STRBP: variants seen among roughly 807,000 people sequenced by gnomAD.
STRBP encodes spermatid perinuclear RNA binding protein, also known as spermatid perinuclear RNA-binding protein.
In STRBP, 13 loss-of-function variants were observed where a neutral mutation model predicts 80.1. The observed-to-expected ratio is 0.16, with a 90% CI of 0.11 to 0.26. STRBP has a LOEUF of 0.26. STRBP is among the 10% of genes least tolerant of loss of function. The probability of loss-of-function intolerance (pLI) is 1.00; values close to 1 mark genes in which losing one functional copy is unlikely to be tolerated. For missense variants in STRBP, 485 were observed against 815.2 expected (o/e 0.59, Z 4.93); for synonymous variants, 284 against 291.2 (o/e 0.98, Z 0.25).
At chr9:123,215,656 G>A (rs1035481258) in intron 2 of STRBP, among the ~76,000 whole-genome samples, 2 of 152,140 alleles carry the variant, frequency 1.3e-5, no homozygotes, top group South Asian at 2.1e-4. Context: ...GTGGTGATGC[G>A]TGCCTATAAT....
At chr9:123,233,872 CT>C (rs2040466106) in intron 2 of STRBP, among the ~76,000 whole-genome samples, 1 of 152,172 alleles carries the variant, frequency 6.6e-6, no homozygotes, top group Non-Finnish European at 1.5e-5. Flanking sequence ...AGTTCACATG[CT>C]TCTTTTAAAG....
At chr9:123,234,615 T>C (rs1045884495) in intron 2 of STRBP, among the ~76,000 whole-genome samples, 2 of 152,160 alleles carry the variant, frequency 1.3e-5, no homozygotes, top group Non-Finnish European at 2.9e-5. Flanking sequence ...TTTTGTTTTG[T>C]TTTTTCAAAA....
At position 123,126,609 on chromosome 9, in the gene STRBP, C is replaced by T. The variant is rs2035904965; in HGVS notation, c.1943-936G>A. Among the ~76,000 whole-genome samples, 1 of 152,088 alleles carries T rather than the reference C, an allele frequency of 6.6e-6. No individual in the cohort carries two copies. Reference sequence around the variant, plus strand: ...GAGAGAAAAAAAGACCAAGGAAAAACATGAATGTAACTTAGAATCTAGATA... The same window carrying T: ...GAGAGAAAAAAAGACCAAGGAAAAATATGAATGTAACTTAGAATCTAGATA... On this transcript the variant is annotated intron_variant, in intron 18 of 18. Coordinates refer to ENST00000348403, the MANE Select transcript of STRBP (RefSeq NM_018387.5). The surrounding 1 kb of genome is among the most constrained non-coding windows in gnomAD (Gnocchi z 4.4).
chr9:123,139,407 T>G, intron 14 of STRBP, 122 bp downstream of exon 14: 1 of 789,264 alleles, frequency 1.3e-6, no homozygotes, highest in Middle Eastern at 3.8e-4. Flanking sequence ...ATTATGTCTG[T>G]CTCTGTAATT....
Position 123,200,762 on chromosome 9 carries a change from T to TTTTTTTTTA in STRBP, c.-164-16465_-164-16464insTAAAAAAAA, listed in dbSNP as rs1554762956. Among the ~76,000 whole-genome samples, 9 of 133,554 alleles carry TTTTTTTTTA rather than the reference T, an allele frequency of 6.7e-5. 1 individual carries two copies. The highest frequency in any genetic ancestry group is 2.3e-4 in the African/African-American group (8 of 34,236). The allele number at this position is 133,554 out of a possible 152,430, so 87.6% of individuals were successfully genotyped here. A position where few individuals can be genotyped will look rare whatever the true frequency, so the allele number is the denominator to read the frequency against. ...TTTTTTTTTTTTTTTTTTTTTTTTT[T>TTTTTTTTTA]AGTAGAGACCAGGTTTCACCATGTT... On this transcript the variant is annotated intron_variant, in intron 2 of 18. Coordinates refer to ENST00000348403, the MANE Select transcript of STRBP (RefSeq NM_018387.5).
At chr9:123,198,239 C>G (rs1444555423) in intron 2 of STRBP, among the ~76,000 whole-genome samples, 3 of 152,176 alleles carry the variant, frequency 2.0e-5, no homozygotes, top group African/African-American at 7.2e-5. Flanking sequence ...CTCCTGGGTT[C>G]AAGCAAATCT....
chr9:123,128,707 T>C (rs1363087947), intron 17 of STRBP, among the ~76,000 whole-genome samples: 1 of 152,224 alleles, frequency 6.6e-6, no homozygotes, highest in Non-Finnish European at 1.5e-5. Flanking sequence ...TACCAATCTC[T>C]CAAAGTTAGC....
intron 1 of STRBP, among the ~76,000 whole-genome samples, chr9:123,250,450 T>G (rs534734461): frequency 6.6e-6 from 1 of 152,262 alleles, no homozygotes; most frequent in African/African-American, 2.4e-5. Flanking sequence ...CAGATACAAC[T>G]CACATAAACA....
At chr9:123,179,606 T>G (rs538817226) in intron 3 of STRBP, among the ~76,000 whole-genome samples, 1 of 152,032 alleles carries the variant, frequency 6.6e-6, no homozygotes, top group Non-Finnish European at 1.5e-5. Flanking sequence ...TAAAACCCCG[T>G]CTCTACTAAA....
At chr9:123,210,701 C>T (rs1372589786) in intron 2 of STRBP, among the ~76,000 whole-genome samples, 2 of 151,918 alleles carry the variant, frequency 1.3e-5, no homozygotes, top group African/African-American at 2.4e-5. Context: ...CGGTGGCAGT[C>T]GCCTGTAATC....
chr9:123,149,298 T>C (rs879778016), intron 11 of STRBP, among the ~76,000 whole-genome samples: 7 of 152,244 alleles, frequency 4.6e-5, no homozygotes, highest in Non-Finnish European at 1.0e-4. Flanking sequence ...AAGGCAACGT[T>C]GGCTGAGTAT....
chr9:123,141,205 AAC>A (rs2036578045), intron 13 of STRBP, among the ~76,000 whole-genome samples: 1 of 152,196 alleles, frequency 6.6e-6, no homozygotes, highest in Non-Finnish European at 1.5e-5. Flanking sequence ...TGCCAATATA[AAC>A]AGTGTTACCC....
At chr9:123,206,945 T>C (rs976294219) in intron 2 of STRBP, among the ~76,000 whole-genome samples, 2 of 152,154 alleles carry the variant, frequency 1.3e-5, no homozygotes, top group Non-Finnish European at 2.9e-5. Flanking sequence ...GCCAAGAAGA[T>C]TTTTTAAATA....
At chr9:123,153,284 G>A (rs578026626) in intron 11 of STRBP, among the ~76,000 whole-genome samples, 1 of 151,312 alleles carries the variant, frequency 6.6e-6, no homozygotes, top group African/African-American at 2.4e-5. Context: ...TCTGCCTCCC[G>A]GATTCAAGCG....
At chr9:123,212,803 A>C (rs1489299913) in intron 2 of STRBP, 1 of 152,214 alleles carries the variant, frequency 6.6e-6, no homozygotes, top group Non-Finnish European at 1.5e-5. Context: ...TTCTTATTAA[A>C]AATTAAGCAA....
intron 2 of STRBP, among the ~76,000 whole-genome samples, chr9:123,215,699 C>T (rs187225689): frequency 6.6e-5 from 10 of 152,200 alleles, no homozygotes; most frequent in Admixed American, 2.0e-4. Flanking sequence ...GCAGGAGAAT[C>T]GTTTGAACCC....
intron 5 of STRBP, among the ~76,000 whole-genome samples, chr9:123,171,850 C>A (rs765794889): frequency 2.0e-5 from 3 of 152,152 alleles, no homozygotes; most frequent in Non-Finnish European, 2.9e-5. Context: ...AAGCTTCAGT[C>A]TCCTAAAATT....
intron 6 of STRBP, among the ~76,000 whole-genome samples, chr9:123,165,446 AG>A (rs2037714665): frequency 6.6e-6 from 1 of 152,090 alleles, no homozygotes; most frequent in Non-Finnish European, 1.5e-5. Context: ...AAGAAGGGCG[AG>A]TTCACACTGG....
chr9:123,248,379 T>G (rs2040843989), intron 1 of STRBP, among the ~76,000 whole-genome samples: 1 of 148,036 alleles, frequency 6.8e-6, no homozygotes. Flanking sequence ...ACAATTCTCC[T>G]GCCTCAGGCT....
Sources: allele counts gnomAD v4.1 joint callset (sites outside exome capture counted in the v4.1 genomes callset), GRCh38; gene constraint gnomAD v4.1.1; non-coding constraint Gnocchi (gnomAD v3.1); transcripts MANE v1.5; gene names NCBI Gene and HGNC (gene_info 2026-07-23, HGNC 2026-07-21).